The following SMYD3 variants were observed in gnomAD, a reference collection of about 807,000 sequenced individuals.
SMYD3 encodes histone-lysine N-methyltransferase SMYD3.
Under a neutral mutation model 57.7 loss-of-function variants are expected in SMYD3, and 36 were observed. That is an observed-to-expected ratio of 0.62 (90% CI 0.48 to 0.82). SMYD3 has a LOEUF of 0.82. Ranked by LOEUF, SMYD3 falls within the 40% of genes least tolerant of loss-of-function variation. The pLI is 0.00. For missense variants in SMYD3, 515 were observed against 538.8 expected, an observed-to-expected ratio of 0.96 and a Z score of 0.44; for synonymous variants, 211 against 195.0, an observed-to-expected ratio of 1.08 and a Z score of -0.68.
intron 5 of SMYD3, among the ~76,000 whole-genome samples, chr1:245,958,621 C>A (rs1370874591): frequency 6.6e-6 from 1 of 152,076 alleles, no homozygotes; most frequent in Non-Finnish European, 1.5e-5. Flanking sequence ...CTAACAATAC[C>A]ACTTACCCCA....
intron 8 of SMYD3, among the ~76,000 whole-genome samples, chr1:245,871,290 T>C (rs938209226): frequency 6.6e-6 from 1 of 152,228 alleles, no homozygotes; most frequent in African/African-American, 2.4e-5. Flanking sequence ...ACTAGATTAA[T>C]ATACAACATC....
At chr1:246,400,801 G>A (rs1261288545) in intron 1 of SMYD3, among the ~76,000 whole-genome samples, 3 of 151,234 alleles carry the variant, frequency 2.0e-5, no homozygotes, top group Non-Finnish European at 2.9e-5. Context: ...AATACCCAAT[G>A]TACTTTATTT....
chr1:246,107,143 C>T (rs12023046), intron 5 of SMYD3, among the ~76,000 whole-genome samples: 19,039 of 133,142 alleles, frequency 0.14, 2,242 homozygotes, highest in East Asian at 0.5. Context: ...AAAAATTAGC[C>T]AGGCGTGGTG....
intron 5 of SMYD3, among the ~76,000 whole-genome samples, chr1:246,087,652 A>G (rs1005668276): frequency 2.0e-5 from 3 of 152,170 alleles, no homozygotes; most frequent in Admixed American, 6.5e-5. Context: ...CAACATAGCA[A>G]CTCTACGTGC....
At chr1:245,832,488 T>G (rs1283760316) in intron 10 of SMYD3, among the ~76,000 whole-genome samples, 5 of 13,508 alleles carry the variant, frequency 3.7e-4, no homozygotes, top group East Asian at 2.1e-3. Flanking sequence ...TTTTTTTGTT[T>G]TTTTTTTTTT....
chr1:245,836,716 G>C (rs993913733), intron 10 of SMYD3, among the ~76,000 whole-genome samples: 1 of 152,154 alleles, frequency 6.6e-6, no homozygotes, highest in Non-Finnish European at 1.5e-5. Context: ...TGGCAGCAGG[G>C]GACTGGTCCT....
chr1:246,269,533 C>CTT (rs139750750), intron 5 of SMYD3, among the ~76,000 whole-genome samples: 36 of 138,818 alleles, frequency 2.6e-4, no homozygotes, highest in Admixed American at 2.5e-3. Context: ...CTTTCTGTTT[C>CTT]TTTTTTTTTC....
intron 5 of SMYD3, among the ~76,000 whole-genome samples, chr1:246,145,332 G>A (rs2061826073): frequency 6.6e-6 from 1 of 152,192 alleles, no homozygotes; most frequent in Non-Finnish European, 1.5e-5. Context: ...AGTGTCAGCA[G>A]CGAATAGCTC....
At chr1:245,833,717 C>G (rs2049969595) in intron 10 of SMYD3, among the ~76,000 whole-genome samples, 1 of 152,152 alleles carries the variant, frequency 6.6e-6, no homozygotes, top group African/African-American at 2.4e-5. Flanking sequence ...GAGGTGCCAT[C>G]AAATGGGCAA....
chr1:245,775,571 C>G (rs1392408757), intron 10 of SMYD3, among the ~76,000 whole-genome samples: 8 of 151,462 alleles, frequency 5.3e-5, no homozygotes, highest in South Asian at 2.1e-4. Flanking sequence ...GACACAAACA[C>G]TGCGGAAGGC....
intron 5 of SMYD3, among the ~76,000 whole-genome samples, chr1:245,935,323 G>A (rs906281504): frequency 6.6e-6 from 1 of 152,114 alleles, no homozygotes; most frequent in Non-Finnish European, 1.5e-5. Context: ...ATCACCAAAT[G>A]CTCAATCATT....
At chr1:246,346,006 C>T (rs1213816368) in intron 2 of SMYD3, among the ~76,000 whole-genome samples, 2 of 152,302 alleles carry the variant, frequency 1.3e-5, no homozygotes, top group South Asian at 2.1e-4. Context: ...TAGAACTGGC[C>T]GGGCACAGTG....
intron 5 of SMYD3, among the ~76,000 whole-genome samples, chr1:246,288,583 G>A (rs1234989107): frequency 6.6e-6 from 1 of 152,102 alleles, no homozygotes; most frequent in Non-Finnish European, 1.5e-5. Flanking sequence ...AACCACCTGG[G>A]GCAGAAGAGA....
intron 5 of SMYD3, among the ~76,000 whole-genome samples, chr1:246,079,390 A>G (rs10924495): frequency 0.071 from 10,865 of 152,272 alleles, 447 homozygotes; most frequent in African/African-American, 0.092. Context: ...TTCCCATCAC[A>G]TAATGAAGAT....
intron 5 of SMYD3, among the ~76,000 whole-genome samples, chr1:245,981,375 C>G (rs527805153): frequency 6.6e-6 from 1 of 152,206 alleles, no homozygotes; most frequent in African/African-American, 2.4e-5. Context: ...CTGGGCTGCA[C>G]AGACAACCAG....
intron 10 of SMYD3, among the ~76,000 whole-genome samples, chr1:245,786,757 G>T (rs890253970): frequency 2.0e-5 from 3 of 151,626 alleles, no homozygotes; most frequent in African/African-American, 7.3e-5. Context: ...CAATGAATCT[G>T]CCAGCATGGT....
intron 8 of SMYD3, among the ~76,000 whole-genome samples, chr1:245,867,668 G>GCGCACACA (rs1553345565): frequency 6.7e-6 from 1 of 148,944 alleles, no homozygotes; most frequent in East Asian, 2.0e-4. Context: ...GCGTGCGCGC[G>GCGCACACA]CACACACACA....
chr1:245,956,466 G>A (rs1047049601), intron 5 of SMYD3, among the ~76,000 whole-genome samples: 2 of 152,190 alleles, frequency 1.3e-5, no homozygotes, highest in Non-Finnish European at 2.9e-5. Context: ...AAAACAGGAC[G>A]TGTGACGTGT....
At chr1:246,097,256 A>T (rs1234554046) in intron 5 of SMYD3, among the ~76,000 whole-genome samples, 3 of 152,130 alleles carry the variant, frequency 2.0e-5, no homozygotes, top group African/African-American at 7.2e-5. Context: ...CTTGGCACAC[A>T]TTAAGAAAAC....
Sources: gnomAD v4.1 joint callset for allele counts (sites outside exome capture counted in the v4.1 genomes callset) on GRCh38, gnomAD v4.1.1 for gene constraint, MANE v1.5 for transcripts, NCBI Gene and HGNC (gene_info 2026-07-23, HGNC 2026-07-21) for gene names.